Variants in KDM4C observed in about 807,000 individuals in gnomAD.
KDM4C encodes lysine-specific demethylase 4C.
In KDM4C, 81 loss-of-function variants were observed where a neutral mutation model predicts 129.3. The observed-to-expected ratio is 0.63, with a 90% CI of 0.52 to 0.75. The LOEUF (loss-of-function observed/expected upper bound fraction) is 0.75. Ranked by LOEUF, KDM4C falls within the 30% of genes least tolerant of loss-of-function variation. The pLI, the probability that KDM4C is intolerant of heterozygous loss-of-function variation, is 0.00. For missense variants in KDM4C, 1,457 were observed against 1,304.0 expected, an observed-to-expected ratio of 1.12 and a Z score of -1.81; for synonymous variants, 573 against 456.1, an observed-to-expected ratio of 1.26 and a Z score of -3.26.
chr9:6,847,604 A>T (rs1838081969), intron 4 of KDM4C, among the ~76,000 whole-genome samples: 1 of 152,178 alleles, frequency 6.6e-6, no homozygotes, highest in Non-Finnish European at 1.5e-5. Context: ...GTTAGCCAGG[A>T]TGGTCTCGAT....
rs144329096 is a variant in KDM4C at position 7,060,170 on chromosome 9, C to T, written c.2424+10970C>T. 6.6e-4 allele frequency among the ~76,000 whole-genome samples: 100 copies of T among 150,630 alleles called. 1 individual carries two copies. The highest frequency in any genetic ancestry group is 1.7e-3 in the Admixed American group (26 of 15,138). The stretch of plus-strand genomic sequence containing the variant: ...GTTCTGTCCTCCACCATTTTAGGCA[C>T]ATGGCCTTTGCTTTCTCTTGTTCCT... On this transcript the variant is annotated intron_variant, in intron 17 of 21. Coordinates refer to ENST00000381309, the MANE Select transcript of KDM4C (RefSeq NM_015061.6).
chr9:7,091,973 C>CT (rs994482301), intron 17 of KDM4C, among the ~76,000 whole-genome samples: 1 of 152,216 alleles, frequency 6.6e-6, no homozygotes, highest in Non-Finnish European at 1.5e-5. Context: ...ACGTCCCTTA[C>CT]TTTTTGTCTC....
chr9:6,899,432 G>GT (rs1391241410), intron 8 of KDM4C, among the ~76,000 whole-genome samples: 8 of 152,120 alleles, frequency 5.3e-5, no homozygotes. Flanking sequence ...CACTCTGGGT[G>GT]TTGTACATTC....
intron 1 of KDM4C, among the ~76,000 whole-genome samples, chr9:6,760,616 G>T (rs1251390574): frequency 6.6e-6 from 1 of 151,614 alleles, no homozygotes; most frequent in Non-Finnish European, 1.5e-5. Flanking sequence ...TGTTGCCCAG[G>T]CTGGAGTGCA....
chr9:7,030,417 A>G (rs1826530346), intron 15 of KDM4C, among the ~76,000 whole-genome samples: 1 of 152,196 alleles, frequency 6.6e-6, no homozygotes, highest in Non-Finnish European at 1.5e-5. Context: ...TGTCCAACCC[A>G]TAGAATGTAC....
chr9:6,969,713 G>A (rs776997572), intron 8 of KDM4C, among the ~76,000 whole-genome samples: 3 of 152,076 alleles, frequency 2.0e-5, no homozygotes, highest in Non-Finnish European at 4.4e-5. Context: ...CTGGAGGACC[G>A]TTTTTATTTA....
In KDM4C at chr9:7,046,934, T is replaced by G. The variant is rs1433621919; in HGVS notation, c.2315+17T>G. On this transcript the variant is annotated intron_variant, in intron 16 of 21. Transcript: ENST00000381309. The stretch of plus-strand genomic sequence containing the variant: ...GAACAATAAGTAAGTAATACATTAA[T>G]TGTGTTGAATTTCATTATTTTTCTT... The G allele has an allele frequency of 6.6e-7, 1 of 1,505,936 alleles. No individual in the cohort carries two copies. The highest frequency in any genetic ancestry group is 9.2e-7 in the Non-Finnish European group (1 of 1,083,382). 93.3% of individuals were successfully genotyped at this position (1,505,936 alleles called of 1,614,324 possible).
chr9:7,061,486 T>G (rs1349898021), intron 17 of KDM4C, among the ~76,000 whole-genome samples: 1 of 152,204 alleles, frequency 6.6e-6, no homozygotes, highest in African/African-American at 2.4e-5. Context: ...AGAAGCCTGG[T>G]GCTGGTGGGT....
At chr9:7,050,426 C>A in intron 17 of KDM4C, among the ~76,000 whole-genome samples, 1 of 59,370 alleles carries the variant, frequency 1.7e-5, no homozygotes, top group African/African-American at 5.3e-5. Flanking sequence ...AGCTTGAAAT[C>A]TTATACCCAG....
chr9:7,157,872 A>G (rs2130277065), intron 19 of KDM4C, among the ~76,000 whole-genome samples: 1 of 152,288 alleles, frequency 6.6e-6, no homozygotes, highest in African/African-American at 2.4e-5. Context: ...GGCCTCATAA[A>G]ATGAGTTAGG....
intron 17 of KDM4C, among the ~76,000 whole-genome samples, chr9:7,074,289 A>G (rs986798607): frequency 2.6e-5 from 4 of 151,914 alleles, no homozygotes; most frequent in African/African-American, 9.7e-5. Context: ...TCAGCTTCCC[A>G]GGTAGCTAGG....
chr9:6,835,673 G>GTTTTGTTTTTGT (rs769580541), intron 4 of KDM4C: 2 of 728,082 alleles, frequency 2.7e-6, no homozygotes, highest in Non-Finnish European at 5.0e-6. Context: ...TTTTTGTTTT[G>GTTTTGTTTTTGT]TTTTGTTTTT....
chr9:6,841,754 A>G (rs187654771), intron 4 of KDM4C, among the ~76,000 whole-genome samples: 1 of 152,352 alleles, frequency 6.6e-6, no homozygotes, highest in East Asian at 1.9e-4. Flanking sequence ...TGGACAAAGC[A>G]GAATGCATGA....
chr9:6,927,132 T>C (rs1412328953), intron 8 of KDM4C, among the ~76,000 whole-genome samples: 1 of 151,624 alleles, frequency 6.6e-6, no homozygotes, highest in Non-Finnish European at 1.5e-5. Context: ...TCTATCTATC[T>C]ATCTATCTGT....
At position 6,805,647 on chromosome 9, in the gene KDM4C, G is replaced by A; in HGVS notation, c.193G>A (p.Asp65Asn). Residue 65 changes from aspartate (D) to asparagine (N), a missense_variant, in exon 3 of 22, where the codon GAT becomes AAT. Asp to Asn is a conservative substitution (Grantham distance 23). Transcript: ENST00000381309. ...GCCAAGACAGTGCTATGATGACATT[G>A]ATAATTTGCTCATTCCAGCACCAAT... is the stretch of plus-strand genomic sequence containing the variant. ...WKPRQCYDDIDNLLIPAPIQQ... is the reference protein window; with the variant it reads ...WKPRQCYDDINNLLIPAPIQQ... 1.2e-6 allele frequency: 2 copies of A among 1,613,980 alleles called. No individual in the cohort carries two copies. Among genetic ancestry groups the A allele is most frequent in the South Asian group, 2.2e-5 (2 of 91,056 alleles).
At chr9:6,914,121 G>A (rs977157833) in intron 8 of KDM4C, among the ~76,000 whole-genome samples, 14 of 152,150 alleles carry the variant, frequency 9.2e-5, no homozygotes, top group Admixed American at 5.9e-4. Context: ...GTGCAATGGC[G>A]TAATCTCGGC....
chr9:6,845,526 T>G (rs1359345108), intron 4 of KDM4C, among the ~76,000 whole-genome samples: 2 of 152,190 alleles, frequency 1.3e-5, no homozygotes, highest in Non-Finnish European at 2.9e-5. Flanking sequence ...ACGAGTGCTT[T>G]TAAACTGCTG....
intron 10 of KDM4C, among the ~76,000 whole-genome samples, chr9:6,986,060 G>A (rs772003769): frequency 3.3e-5 from 5 of 152,282 alleles, no homozygotes; most frequent in Admixed American, 2.0e-4. Flanking sequence ...TTTTGCCTAA[G>A]GGCCCTGAAT....
chr9:7,052,888 A>AGC (rs1564049510), intron 17 of KDM4C, among the ~76,000 whole-genome samples: 2 of 12,254 alleles, frequency 1.6e-4, no homozygotes, highest in African/African-American at 9.0e-4. Flanking sequence ...AGAGAGAGAG[A>AGC]GAGAGAGAGA....
Sources: allele counts gnomAD v4.1 joint callset (sites outside exome capture counted in the v4.1 genomes callset), GRCh38; gene constraint gnomAD v4.1.1; transcripts MANE v1.5; gene names NCBI Gene and HGNC (gene_info 2026-07-23, HGNC 2026-07-21).